Variants in ART1 observed in about 807,000 individuals in gnomAD.
ART1 encodes the protein GPI-linked NAD(P)(+)--arginine ADP-ribosyltransferase 1.
Under a neutral mutation model 27.0 loss-of-function variants are expected in ART1, and 29 were observed. The ratio of observed to expected loss-of-function variants is 1.08; its 90% CI spans 0.80 to 1.47. ART1 has a LOEUF of 1.47. ART1 is among the 40% of genes most tolerant of loss of function. The pLI, the probability that ART1 is intolerant of heterozygous loss-of-function variation, is 0.00. For synonymous variants in ART1, 201 were observed against 172.2 expected (o/e 1.17, Z -1.31); for missense variants, 480 against 423.0 (o/e 1.13, Z -1.18).
chr11:3,658,322 G>C (rs1207445821), intron 1 of ART1, among the ~76,000 whole-genome samples: 4 of 144,956 alleles, frequency 2.8e-5, no homozygotes, highest in African/African-American at 1.0e-4. Context: ...AACAGAGTGA[G>C]ACTTGGTCTC....
chr11:3,659,179 CAAAAAGAG>C lies in ART1; in HGVS notation c.-33_-26del. 1 of 1,610,558 alleles carries C rather than the reference CAAAAAGAG, an allele frequency of 6.2e-7. No homozygotes were observed. The highest frequency in any genetic ancestry group is 8.5e-7 in the Non-Finnish European group (1 of 1,177,072). On this transcript the variant is annotated 5_prime_UTR_variant, in exon 2 of 5. Transcript: ENST00000250693. ...TTTTCCAGATGAGGAAACTGAGACC[CAAAAAGAG>C]ACAGCAACTGGCCCAGGGTCACCAG...
chr11:3,648,318 C>A (rs888431413), intron 1 of ART1, among the ~76,000 whole-genome samples: 88 of 152,282 alleles, frequency 5.8e-4, no homozygotes, highest in African/African-American at 2.0e-3. Flanking sequence ...ATTTGGTGCC[C>A]TGACTCAGAT....
At chr11:3,648,759 C>T (rs1017105902) in intron 1 of ART1, among the ~76,000 whole-genome samples, 6 of 151,970 alleles carry the variant, frequency 3.9e-5, no homozygotes, top group Non-Finnish European at 7.4e-5. Context: ...TCACCCTTAG[C>T]GGCAAGTCCC....
intron 1 of ART1, among the ~76,000 whole-genome samples, chr11:3,649,588 C>T (rs147310408): frequency 0.073 from 6,991 of 95,954 alleles, no homozygotes; most frequent in East Asian, 0.12. Context: ...GGCTGCTCCT[C>T]GCCAGGCTGA....
intron 1 of ART1, among the ~76,000 whole-genome samples, chr11:3,652,546 G>A (rs138437317): frequency 2.0e-5 from 3 of 152,024 alleles, no homozygotes; most frequent in Non-Finnish European, 4.4e-5. Context: ...GAAGTCAGAC[G>A]TGTCCTCAGA....
intron 1 of ART1, among the ~76,000 whole-genome samples, chr11:3,655,212 AG>A (rs747978708): frequency 3.3e-5 from 5 of 152,236 alleles, no homozygotes; most frequent in African/African-American, 4.8e-5. Flanking sequence ...AATCTTCCAA[AG>A]AAAAGACTCT....
intron 1 of ART1, among the ~76,000 whole-genome samples, chr11:3,658,623 C>A (rs1286567224): frequency 6.6e-6 from 1 of 152,156 alleles, no homozygotes; most frequent in African/African-American, 2.4e-5. Flanking sequence ...GGAGTGGGGG[C>A]AACTGGTGGA....
intron 2 of ART1, 120 bp from the exon 3 acceptor site, chr11:3,659,463 C>G (rs1310467146): frequency 7.3e-7 from 1 of 1,370,958 alleles, no homozygotes; most frequent in Non-Finnish European, 9.9e-7. Context: ...CAATCCCCTT[C>G]CCCACCAGGT....
rs1212722390 is a variant in ART1, at chr11:3,653,606, T to C, written c.-52-5556T>C. ...AGCTTTATTGCTCACACAAAGCCTG[T>C]TTGGTGGTCTCTTCACACGGACGCG... On this transcript the variant is annotated intron_variant, in intron 1 of 4. Transcript: ENST00000250693. 2.0e-5 allele frequency among the ~76,000 whole-genome samples: 3 copies of C among 152,312 alleles called. No homozygotes were observed. The East Asian group carries it at 5.8e-4, about 29-fold the overall frequency.
At chr11:3,663,182 G>A (rs1265265407) in intron 4 of ART1, among the ~76,000 whole-genome samples, 5 of 150,962 alleles carry the variant, frequency 3.3e-5, no homozygotes, top group Middle Eastern at 3.4e-3. Flanking sequence ...GTAATCTATG[G>A]GAAGGAGGCA....
intron 1 of ART1, among the ~76,000 whole-genome samples, chr11:3,647,481 A>G (rs2077478349): frequency 1.3e-5 from 2 of 151,422 alleles, no homozygotes; most frequent in African/African-American, 4.8e-5. Context: ...ACTAAATACA[A>G]AAATTAGCTG....
intron 1 of ART1, among the ~76,000 whole-genome samples, chr11:3,652,751 G>C (rs4322351): frequency 6.7e-6 from 1 of 149,858 alleles, no homozygotes; most frequent in Non-Finnish European, 1.5e-5. Context: ...TTACACTGCC[G>C]GTTTACACTG....
chr11:3,650,523 C>T (rs913086488), intron 1 of ART1, among the ~76,000 whole-genome samples: 4 of 152,152 alleles, frequency 2.6e-5, no homozygotes, highest in Non-Finnish European at 5.9e-5. Context: ...ATGGAGGCTA[C>T]CCACTCCACA....
At chr11:3,658,265 G>A (rs922903871) in intron 1 of ART1, among the ~76,000 whole-genome samples, 2 of 151,312 alleles carry the variant, frequency 1.3e-5, no homozygotes, top group Admixed American at 1.3e-4. Flanking sequence ...CTCAGGAGGT[G>A]GAGGATGCAG....
chr11:3,649,702 A>G (rs1351897542), intron 1 of ART1, among the ~76,000 whole-genome samples: 1 of 152,134 alleles, frequency 6.6e-6, no homozygotes, highest in Non-Finnish European at 1.5e-5. Context: ...TTTCATGACT[A>G]GCCCTCCCCA....
chr11:3,647,846 A>AT (rs1046958923), intron 1 of ART1, among the ~76,000 whole-genome samples: 1 of 151,764 alleles, frequency 6.6e-6, no homozygotes, highest in African/African-American at 2.4e-5. Context: ...AAAAAAAAAA[A>AT]GTAAAGTTGC....
intron 4 of ART1, among the ~76,000 whole-genome samples, chr11:3,663,091 C>CATCTCATCTCATCTCATCT (rs2077634451): frequency 1.0e-5 from 1 of 97,454 alleles, no homozygotes; most frequent in South Asian, 4.3e-4. Flanking sequence ...CTCATCTCAT[C>CATCTCATCTCATCTCATCT]ATCTCATCTC....
intron 4 of ART1, among the ~76,000 whole-genome samples, chr11:3,662,599 C>T (rs1318319943): frequency 6.6e-6 from 1 of 152,128 alleles, no homozygotes; most frequent in Non-Finnish European, 1.5e-5. Context: ...AATCCCAGCA[C>T]TTTGGGAGGC....
chr11:3,653,362 C>A (rs2077542313), intron 1 of ART1, among the ~76,000 whole-genome samples: 3 of 148,416 alleles, frequency 2.0e-5, no homozygotes, highest in Non-Finnish European at 4.4e-5. Flanking sequence ...CCTGCCTTAA[C>A]TGATGACATT....
Sources: allele counts gnomAD v4.1 joint callset (sites outside exome capture counted in the v4.1 genomes callset), GRCh38; gene constraint gnomAD v4.1.1; transcripts MANE v1.5; gene names NCBI Gene and HGNC (gene_info 2026-07-23, HGNC 2026-07-21).